The following CRPPA variants were observed in gnomAD, a reference collection of about 807,000 sequenced individuals.
CRPPA encodes D-ribitol-5-phosphate cytidylyltransferase.
Under a neutral mutation model 52.0 loss-of-function variants are expected in CRPPA, and 43 were observed. The observed-to-expected ratio is 0.83, with a 90% CI of 0.65 to 1.07. CRPPA has a LOEUF of 1.07. CRPPA is among the 50% of genes least tolerant of loss of function. The probability of loss-of-function intolerance (pLI) is 0.00; values close to 1 mark genes in which losing one functional copy is unlikely to be tolerated. For synonymous variants in CRPPA, 250 were observed against 203.5 expected, an observed-to-expected ratio of 1.23 and a Z score of -1.94; for missense variants, 629 against 551.7, an observed-to-expected ratio of 1.14 and a Z score of -1.40.
At chr7:16,236,774 A>G (rs1010055261) in intron 8 of CRPPA, among the ~76,000 whole-genome samples, 3 of 151,898 alleles carry the variant, frequency 2.0e-5, no homozygotes, top group Non-Finnish European at 4.4e-5. Context: ...GGATTTCACT[A>G]AAAAAAATCA....
intron 9 of CRPPA, among the ~76,000 whole-genome samples, chr7:16,208,033 A>G (rs1279001866): frequency 2.0e-5 from 3 of 152,180 alleles, no homozygotes; most frequent in East Asian, 3.8e-4. Flanking sequence ...TTTGTATTAC[A>G]TGCTTTTACT....
chr7:16,222,479 C>T (rs118176227), intron 8 of CRPPA, among the ~76,000 whole-genome samples: 2,079 of 151,500 alleles, frequency 0.014, 37 homozygotes, highest in Middle Eastern at 0.031. Context: ...AAACCAAATG[C>T]TAATATTCTA....
intron 9 of CRPPA, among the ~76,000 whole-genome samples, chr7:16,133,896 A>T (rs1782719129): frequency 8.0e-6 from 1 of 124,718 alleles, no homozygotes; most frequent in Non-Finnish European, 1.8e-5. Flanking sequence ...AAATGTCCTT[A>T]TGATTTTCTT....
intron 9 of CRPPA, among the ~76,000 whole-genome samples, chr7:16,160,889 G>A (rs1419985557): frequency 2.6e-5 from 4 of 152,174 alleles, no homozygotes; most frequent in Admixed American, 6.5e-5. Flanking sequence ...TCTCTTGTGA[G>A]TTGTATTCCT....
intron 9 of CRPPA, among the ~76,000 whole-genome samples, chr7:16,194,150 C>A (rs1257671364): frequency 6.6e-6 from 1 of 152,102 alleles, no homozygotes; most frequent in South Asian, 2.1e-4. Flanking sequence ...CATGAAGATT[C>A]CTCTGCTAGT....
chr7:16,356,611 T>C (rs1786302205), intron 3 of CRPPA, among the ~76,000 whole-genome samples: 1 of 152,202 alleles, frequency 6.6e-6, no homozygotes, highest in Non-Finnish European at 1.5e-5. Flanking sequence ...CTGCTGTTAA[T>C]CACAGCCAAT....
intron 9 of CRPPA, among the ~76,000 whole-genome samples, chr7:16,123,560 G>A (rs1782517910): frequency 1.3e-5 from 2 of 152,064 alleles, no homozygotes; most frequent in Non-Finnish European, 2.9e-5. Flanking sequence ...CTTAGCAGGG[G>A]ACCACCCAAC....
chr7:16,135,614 T>C (rs1300732153), intron 9 of CRPPA, among the ~76,000 whole-genome samples: 1 of 152,200 alleles, frequency 6.6e-6, no homozygotes, highest in African/African-American at 2.4e-5. Context: ...ATTATGCTTA[T>C]AAATGATTCA....
At chr7:16,362,202 C>G (rs1396859084) in intron 3 of CRPPA, among the ~76,000 whole-genome samples, 2 of 152,218 alleles carry the variant, frequency 1.3e-5, no homozygotes, top group African/African-American at 2.4e-5. Context: ...ACTCAGACCA[C>G]TATAACAAAA....
rs578167993 is a variant in CRPPA at position 16,155,198 on chromosome 7, C to A, written c.1251+60868G>T. On this transcript the variant is annotated intron_variant, in intron 9 of 9. Transcript: ENST00000407010. ...ATTGTTTTATTTATTCCTTTTACCA[C>A]AGCTGTGGGCCAGCTATCAGTGTCA... Among the ~76,000 whole-genome samples, 68 of 152,238 alleles carry A rather than the reference C, an allele frequency of 4.5e-4. No homozygotes were observed. The East Asian group carries it at 0.013, about 29-fold the overall frequency.
intron 6 of CRPPA, chr7:16,269,692 T>A (rs1784046349): frequency 6.6e-6 from 1 of 152,308 alleles, no homozygotes; most frequent in Admixed American, 6.5e-5. Context: ...GTGGTATATT[T>A]GATTCAGTGT....
intron 9 of CRPPA, among the ~76,000 whole-genome samples, chr7:16,212,297 C>CA (rs1332276857): frequency 1.3e-5 from 2 of 152,158 alleles, no homozygotes; most frequent in African/African-American, 4.8e-5. Context: ...ACATTGCTTT[C>CA]AAAAGTTCTA....
At chr7:16,233,830 T>C (rs1210917869) in intron 8 of CRPPA, among the ~76,000 whole-genome samples, 1 of 152,172 alleles carries the variant, frequency 6.6e-6, no homozygotes, top group East Asian at 1.9e-4. Context: ...TCTGTTGACA[T>C]ACTGTAATAT....
chr7:16,421,209 G>T lies in CRPPA; in HGVS notation c.114C>A (p.Thr38=), dbSNP rs1009593203. ...CGGCTTGCGGGTGGCGCCCGGGCTC[G>T]GTCCCGGCCACGCTCTGCAGGGAGG... ...ASASLQSVAG[T]EPGRHPQAVA... The change falls in exon 1 of 10, where the codon ACC becomes ACA. Residue 38 remains threonine (T), a synonymous_variant. Transcript: ENST00000407010. 3.3e-5 allele frequency: 44 copies of T among 1,341,770 alleles called. No homozygotes were observed. Among genetic ancestry groups the T allele is most frequent in the Non-Finnish European group, 4.0e-5 (42 of 1,039,928 alleles). The allele number at this position is 1,341,770 out of a possible 1,614,324, so 83.1% of individuals were successfully genotyped here. A position where few individuals can be genotyped will look rare whatever the true frequency, so the allele number is the denominator to read the frequency against.
intron 9 of CRPPA, among the ~76,000 whole-genome samples, chr7:16,124,800 A>G (rs536170978): frequency 6.6e-6 from 1 of 152,320 alleles, no homozygotes; most frequent in South Asian, 2.1e-4. Context: ...CATTGTATAC[A>G]TGTATCAAAA....
At chr7:16,304,986 T>A (rs1351159792) in intron 4 of CRPPA, among the ~76,000 whole-genome samples, 1 of 152,234 alleles carries the variant, frequency 6.6e-6, no homozygotes, top group Non-Finnish European at 1.5e-5. Context: ...GTACTAGAAC[T>A]TTTCAGATAC....
At chr7:16,315,563 A>T (rs920173361) in intron 3 of CRPPA, among the ~76,000 whole-genome samples, 1 of 152,128 alleles carries the variant, frequency 6.6e-6, no homozygotes, top group Non-Finnish European at 1.5e-5. Flanking sequence ...TTAGGCCTTT[A>T]TAAGACAATT....
At chr7:16,387,469 G>T (rs1453452905) in intron 2 of CRPPA, among the ~76,000 whole-genome samples, 2 of 151,744 alleles carry the variant, frequency 1.3e-5, no homozygotes. Context: ...TACTACAAAA[G>T]AAAGCAATAG....
At chr7:16,320,704 A>G (rs751530596) in intron 3 of CRPPA, among the ~76,000 whole-genome samples, 2 of 152,204 alleles carry the variant, frequency 1.3e-5, no homozygotes, top group Non-Finnish European at 2.9e-5. Context: ...AGACAATCTT[A>G]CAACTAGGTA....
Sources: allele counts gnomAD v4.1 joint callset (sites outside exome capture counted in the v4.1 genomes callset), GRCh38; gene constraint gnomAD v4.1.1; transcripts MANE v1.5; gene names NCBI Gene and HGNC (gene_info 2026-07-23, HGNC 2026-07-21).